KSR2: variants seen among roughly 807,000 people sequenced by gnomAD.
KSR2 encodes the protein kinase suppressor of ras 2.
A neutral mutation model predicts 107.8 loss-of-function variants in KSR2; 25 were observed. That is an observed-to-expected ratio of 0.23 (90% CI 0.17 to 0.32). KSR2 has a LOEUF of 0.32. Ranked by LOEUF, KSR2 falls within the 10% of genes least tolerant of loss-of-function variation. The pLI is 1.00. For missense variants in KSR2, 887 were observed against 1,268.9 expected, an observed-to-expected ratio of 0.70 and a Z score of 4.57; for synonymous variants, 480 against 507.0, an observed-to-expected ratio of 0.95 and a Z score of 0.71.
In KSR2 at chr12:117,464,894, G is replaced by A. The variant is rs965233712; in HGVS notation, c.*2305C>T. 12 of 152,276 alleles carry A rather than the reference G, an allele frequency of 7.9e-5. No individual in the cohort carries two copies. The highest frequency in any genetic ancestry group is 2.9e-4 in the African/African-American group (12 of 41,456). 9.4% of individuals were successfully genotyped at this position (152,276 alleles called of 1,614,324 possible). A position where few individuals can be genotyped will look rare whatever the true frequency, so the allele number is the denominator to read the frequency against. On this transcript the variant is annotated 3_prime_UTR_variant, in exon 20 of 20. Transcript: ENST00000339824. ...TGAATGAATGGAAAAATCAGCTGTT[G>A]GAGATCATGCTAGGCCTTGCCAAAG... is the stretch of plus-strand genomic sequence containing the variant.
chr12:117,686,837 T>C (rs1297005109), intron 4 of KSR2, among the ~76,000 whole-genome samples: 2 of 152,132 alleles, frequency 1.3e-5, no homozygotes, highest in African/African-American at 2.4e-5. Flanking sequence ...CATGCCTAAA[T>C]TGGAATATAT....
chr12:117,507,590 G>T (rs180938144), intron 14 of KSR2, among the ~76,000 whole-genome samples: 13 of 152,304 alleles, frequency 8.5e-5, no homozygotes, highest in Admixed American at 7.8e-4. Flanking sequence ...GGGCCGTGAA[G>T]GCTGGCTGGT....
intron 4 of KSR2, among the ~76,000 whole-genome samples, chr12:117,706,779 A>G (rs986897419): frequency 1.3e-5 from 2 of 152,148 alleles, no homozygotes; most frequent in South Asian, 2.1e-4. Flanking sequence ...GTTAAGAAAT[A>G]AATAAATACA....
chr12:117,747,590 TAA>T (rs1398106754), intron 4 of KSR2, among the ~76,000 whole-genome samples: 22 of 110,550 alleles, frequency 2.0e-4, no homozygotes, highest in African/African-American at 6.3e-4. Flanking sequence ...TCCCGGAACT[TAA>T]AATAAAATAA....
chr12:117,580,252 G>T (rs1459063843), intron 6 of KSR2, among the ~76,000 whole-genome samples: 1 of 152,198 alleles, frequency 6.6e-6, no homozygotes, highest in Non-Finnish European at 1.5e-5. Flanking sequence ...AACATTCTGA[G>T]CAAAGACACT....
chr12:117,734,741 C>CATGGATGGATGGATGGATGG (rs1282957441), intron 4 of KSR2, among the ~76,000 whole-genome samples: 6 of 37,480 alleles, frequency 1.6e-4, no homozygotes, highest in South Asian at 2.5e-3. Flanking sequence ...CGCATGCATG[C>CATGGATGGATGGATGGATGG]ATGCATGCAT....
At chr12:117,782,010 T>C (rs562608454) in intron 3 of KSR2, among the ~76,000 whole-genome samples, 1 of 152,374 alleles carries the variant, frequency 6.6e-6, no homozygotes, top group East Asian at 1.9e-4. Flanking sequence ...TTAACATCGT[T>C]CCACCCCTAG....
chr12:117,837,442 G>A (rs1892267236), intron 3 of KSR2, among the ~76,000 whole-genome samples: 1 of 152,134 alleles, frequency 6.6e-6, no homozygotes, highest in Admixed American at 6.6e-5. Flanking sequence ...ATGACACTGC[G>A]CCATCAAGAG....
intron 3 of KSR2, among the ~76,000 whole-genome samples, chr12:117,774,208 T>C (rs1334334589): frequency 6.6e-6 from 1 of 152,156 alleles, no homozygotes; most frequent in Non-Finnish European, 1.5e-5. Context: ...GAAAGTCAAA[T>C]AGGACATTCA....
At chr12:117,951,492 G>A (rs867521879) in intron 1 of KSR2, among the ~76,000 whole-genome samples, 8 of 152,148 alleles carry the variant, frequency 5.3e-5, no homozygotes, top group Non-Finnish European at 5.9e-5. Context: ...CAGTGCCTTC[G>A]TGGGTGGGCA....
chr12:117,862,333 C>G (rs796942539), intron 1 of KSR2, among the ~76,000 whole-genome samples: 14 of 152,094 alleles, frequency 9.2e-5, no homozygotes, highest in African/African-American at 3.1e-4. Context: ...ACACAGTCAA[C>G]CAACATTTAT....
rs368902275 is a variant in KSR2, at chr12:117,730,561, C to T, written c.986+30450G>A. Among the ~76,000 whole-genome samples, 6 of 148,456 alleles carry T rather than the reference C, an allele frequency of 4.0e-5. No homozygotes were observed. The East Asian group carries it at 5.8e-4, about 14-fold the overall frequency. ...CCACGGTCTCCCTCTGATGCTGAGCCGAGGCTGGACTGTACTGCCGCCATC... is the reference window on the plus strand; with the variant it reads ...CCACGGTCTCCCTCTGATGCTGAGCTGAGGCTGGACTGTACTGCCGCCATC... On this transcript the variant is annotated intron_variant, in intron 4 of 19. Transcript: ENST00000339824.
chr12:117,484,122 G>A (rs58670491), intron 16 of KSR2, among the ~76,000 whole-genome samples: 4,038 of 152,286 alleles, frequency 0.027, 188 homozygotes, highest in African/African-American at 0.093. Context: ...ATTACTTAGG[G>A]TTAGAGGAGA....
At position 117,460,998 on chromosome 12, in the gene KSR2, C is replaced by T. The variant is rs1410130500; in HGVS notation, c.*6201G>A. 6.6e-6 allele frequency: 1 copy of T among 152,244 alleles called. No individual in the cohort carries two copies. The highest frequency in any genetic ancestry group is 1.5e-5 in the Non-Finnish European group (1 of 68,092). 9.4% of individuals were successfully genotyped at this position (152,244 alleles called of 1,614,324 possible). A position where few individuals can be genotyped will look rare whatever the true frequency, so the allele number is the denominator to read the frequency against. ...AGATATTAAACCTGGCAAACTGGCTCAGCACAATGGCTTAGCCCTGTAATC... is the reference window on the plus strand; with the variant it reads ...AGATATTAAACCTGGCAAACTGGCTTAGCACAATGGCTTAGCCCTGTAATC... On this transcript the variant is annotated 3_prime_UTR_variant, in exon 20 of 20. Coordinates refer to ENST00000339824, the MANE Select transcript of KSR2 (RefSeq NM_173598.6).
intron 5 of KSR2, among the ~76,000 whole-genome samples, chr12:117,640,314 G>A (rs2393246): frequency 3.3e-5 from 5 of 151,704 alleles, no homozygotes; most frequent in South Asian, 2.1e-4. Context: ...GCAGTGGCGC[G>A]ATCTCAGCTC....
intron 9 of KSR2, among the ~76,000 whole-genome samples, chr12:117,554,441 C>T (rs1369091591): frequency 6.6e-6 from 1 of 152,128 alleles, no homozygotes; most frequent in East Asian, 1.9e-4. Context: ...GTCAGAAAGC[C>T]CAGAACCATC....
rs952304181 is a variant in KSR2, at chr12:117,897,932, T to TCTGTGTGG, written c.181-37502_181-37501insCCACACAG. ...ATTGTACACACCGTCTGTGTGTGTG[T>TCTGTGTGG]CTGTGTGCACTCATACACGTACACA... On this transcript the variant is annotated intron_variant, in intron 1 of 19. Transcript: ENST00000339824. The surrounding 1 kb of genome is among the most constrained non-coding windows in gnomAD (Gnocchi z 4.5). Among the ~76,000 whole-genome samples, 1 of 150,618 alleles carries TCTGTGTGG rather than the reference T, an allele frequency of 6.6e-6. No individual in the cohort carries two copies. Among genetic ancestry groups the TCTGTGTGG allele is most frequent in the African/African-American group, 2.5e-5 (1 of 40,800 alleles).
intron 3 of KSR2, among the ~76,000 whole-genome samples, chr12:117,825,922 G>A (rs1343482003): frequency 7.4e-6 from 1 of 134,560 alleles, no homozygotes; most frequent in African/African-American, 2.7e-5. Context: ...TGGATGGGTG[G>A]ATGGGTGGGT....
At chr12:117,962,651 G>A (rs1258222441) in intron 1 of KSR2, among the ~76,000 whole-genome samples, 1 of 150,554 alleles carries the variant, frequency 6.6e-6, no homozygotes, top group Admixed American at 6.6e-5. Context: ...CGCCATGTTG[G>A]CCAGGCTGGT....
Sources: allele counts gnomAD v4.1 joint callset (sites outside exome capture counted in the v4.1 genomes callset), GRCh38; gene constraint gnomAD v4.1.1; non-coding constraint Gnocchi (gnomAD v3.1); transcripts MANE v1.5; gene names NCBI Gene and HGNC (gene_info 2026-07-23, HGNC 2026-07-21).